TBC1D22B: variants seen among roughly 807,000 people sequenced by gnomAD.
TBC1D22B encodes chromosome 6 open reading frame 197.
In TBC1D22B, 32 loss-of-function variants were observed where a neutral mutation model predicts 69.1. That is an observed-to-expected ratio of 0.46 (90% CI 0.35 to 0.62). TBC1D22B has a LOEUF of 0.62. Ranked by LOEUF, TBC1D22B falls within the 20% of genes least tolerant of loss-of-function variation. The pLI, the probability that TBC1D22B is intolerant of heterozygous loss-of-function variation, is 0.00. For missense variants in TBC1D22B, 462 were observed against 630.9 expected, an observed-to-expected ratio of 0.73 and a Z score of 2.87; for synonymous variants, 206 against 229.8, an observed-to-expected ratio of 0.90 and a Z score of 0.94.
At chr6:37,324,391 T>C (rs1226420013) in intron 12 of TBC1D22B, 1 of 456,708 alleles carries the variant, frequency 2.2e-6, no homozygotes, top group African/African-American at 2.0e-5. Context: ...AATTTAGCTG[T>C]GACACATCTA....
chr6:37,288,741 CAAAAA>C (rs1279008478), intron 7 of TBC1D22B, among the ~76,000 whole-genome samples: 1 of 73,880 alleles, frequency 1.4e-5, no homozygotes. Context: ...GATCCTGTCT[CAAAAA>C]AAAAAAAAAA....
At chr6:37,316,187 G>A (rs1030821544) in intron 10 of TBC1D22B, among the ~76,000 whole-genome samples, 3 of 152,192 alleles carry the variant, frequency 2.0e-5, no homozygotes, top group African/African-American at 2.4e-5. Flanking sequence ...ATGGTGAAGC[G>A]CTTTCTGGTG....
chr6:37,326,614 C>T (rs557085782), intron 12 of TBC1D22B, among the ~76,000 whole-genome samples: 6 of 151,998 alleles, frequency 3.9e-5, no homozygotes, highest in Admixed American at 2.0e-4. Context: ...GGTGAAACCC[C>T]GTCTCTACTA....
At chr6:37,303,161 ACAGT>A (rs1767616666) in intron 8 of TBC1D22B, among the ~76,000 whole-genome samples, 2 of 152,200 alleles carry the variant, frequency 1.3e-5, no homozygotes, top group South Asian at 4.1e-4. Context: ...AGGCTGAGAA[ACAGT>A]CTGTCTTAGG....
chr6:37,290,428 G>A (rs1480633083), intron 7 of TBC1D22B, among the ~76,000 whole-genome samples: 2 of 152,194 alleles, frequency 1.3e-5, no homozygotes, highest in Admixed American at 1.3e-4. Context: ...AAGATGGGGA[G>A]AAGCTCAGAG....
intron 12 of TBC1D22B, among the ~76,000 whole-genome samples, chr6:37,320,823 A>G (rs1049397555): frequency 6.6e-6 from 1 of 152,230 alleles, no homozygotes; most frequent in African/African-American, 2.4e-5. Context: ...ACATTTGCAC[A>G]TAGTACTCTG....
At chr6:37,328,779 T>A (rs770283989) in intron 12 of TBC1D22B, among the ~76,000 whole-genome samples, 14 of 151,924 alleles carry the variant, frequency 9.2e-5, no homozygotes, top group Non-Finnish European at 1.8e-4. Flanking sequence ...CAGGCTGGAG[T>A]GTAATGGCGT....
intron 8 of TBC1D22B, among the ~76,000 whole-genome samples, chr6:37,303,647 T>A (rs1364348344): frequency 6.6e-6 from 1 of 152,236 alleles, no homozygotes; most frequent in Non-Finnish European, 1.5e-5. Context: ...GTTTTCTAAC[T>A]TGGCATGTAA....
At chr6:37,304,771 C>T (rs948155874) in intron 8 of TBC1D22B, among the ~76,000 whole-genome samples, 7 of 152,078 alleles carry the variant, frequency 4.6e-5, no homozygotes, top group African/African-American at 1.2e-4. Flanking sequence ...GTTTACTATG[C>T]GTAATTCTAC....
At chr6:37,279,259 G>T (rs1766752083) in intron 2 of TBC1D22B, 45 bp from the exon 3 acceptor site, 1 of 1,498,576 alleles carries the variant, frequency 6.7e-7, no homozygotes, top group Non-Finnish European at 9.0e-7. Context: ...TAGGTGGTCA[G>T]ATGTGTCAGG....
chr6:37,269,727 T>G, intron 2 of TBC1D22B, 77 bp downstream of exon 2: 1 of 1,397,998 alleles, frequency 7.2e-7, no homozygotes, highest in African/African-American at 1.4e-5. Flanking sequence ...GAAATGACAG[T>G]TTCCACCTTG....
intron 3 of TBC1D22B, 68 bp from the exon 4 acceptor site, chr6:37,282,117 G>T: frequency 1.3e-6 from 2 of 1,555,056 alleles, no homozygotes; most frequent in South Asian, 2.2e-5. Flanking sequence ...TGAACGGTTA[G>T]GTTTAAGGCT....
At chr6:37,258,236 C>T in intron 1 of TBC1D22B, 1 of 503,538 alleles carries the variant, frequency 2.0e-6, no homozygotes, top group Non-Finnish European at 3.6e-6. Context: ...GAAGATTGGG[C>T]GTAAAGGGGA....
At chr6:37,285,273 A>G (rs1332783919) in intron 6 of TBC1D22B, among the ~76,000 whole-genome samples, 1 of 146,856 alleles carries the variant, frequency 6.8e-6, no homozygotes, top group African/African-American at 2.5e-5. Context: ...AAGAACTTTC[A>G]GCTTCAGTTA....
intron 12 of TBC1D22B, 32 bp from the exon 13 acceptor site, chr6:37,331,012 G>A: frequency 6.2e-7 from 1 of 1,612,818 alleles, no homozygotes; most frequent in Non-Finnish European, 8.5e-7. Flanking sequence ...CTACGGTCTG[G>A]TATGATATAA....
chr6:37,273,716 G>A (rs1418475737), intron 2 of TBC1D22B, among the ~76,000 whole-genome samples: 1 of 152,108 alleles, frequency 6.6e-6, no homozygotes, highest in Non-Finnish European at 1.5e-5. Context: ...TGTATGTGGT[G>A]GTTTGATGTT....
chr6:37,304,781 CT>C (rs1767660426), intron 8 of TBC1D22B, among the ~76,000 whole-genome samples: 1 of 151,964 alleles, frequency 6.6e-6, no homozygotes, highest in Non-Finnish European at 1.5e-5. Flanking sequence ...CGTAATTCTA[CT>C]TTTTTAAAAA....
rs575068927 is a variant in TBC1D22B, at chr6:37,295,253, C to T, written c.982+3896C>T. On this transcript the variant is annotated intron_variant, in intron 8 of 12. Transcript: ENST00000373491. ...CTGAGTAGGTGGGACTACAGGTGTG[C>T]GCCACCATACCCAGCCAATTTTTTT... Among the ~76,000 whole-genome samples the T allele has an allele frequency of 1.6e-4, 24 of 152,068 alleles. No homozygotes were observed. The East Asian group carries it at 2.7e-3, about 17-fold the overall frequency.
chr6:37,309,636 C>T (rs1168287588), intron 8 of TBC1D22B, among the ~76,000 whole-genome samples: 7 of 152,110 alleles, frequency 4.6e-5, no homozygotes, highest in African/African-American at 1.7e-4. Context: ...AAGGGCTCTC[C>T]TCCCTTGTGC....
Sources: gnomAD v4.1 joint callset for allele counts (sites outside exome capture counted in the v4.1 genomes callset) on GRCh38, gnomAD v4.1.1 for gene constraint, MANE v1.5 for transcripts, NCBI Gene and HGNC (gene_info 2026-07-23, HGNC 2026-07-21) for gene names.